GRIN2D: variants seen among roughly 807,000 people sequenced by gnomAD.
GRIN2D encodes glutamate ionotropic receptor NMDA type subunit 2D, also known as glutamate receptor ionotropic, NMDA 2D.
GRIN2D carries 37 observed loss-of-function variants against 103.2 expected under a neutral mutation model. The ratio of observed to expected loss-of-function variants is 0.36; its 90% CI spans 0.28 to 0.47. The LOEUF (loss-of-function observed/expected upper bound fraction) is 0.47. GRIN2D is among the 20% of genes least tolerant of loss of function. The probability of loss-of-function intolerance (pLI) is 1.00; values close to 1 mark genes in which losing one functional copy is unlikely to be tolerated. For missense variants in GRIN2D, 1,557 were observed against 1,910.6 expected, an observed-to-expected ratio of 0.81 and a Z score of 3.45; for synonymous variants, 845 against 885.6, an observed-to-expected ratio of 0.95 and a Z score of 0.81.
intron 11 of GRIN2D, among the ~76,000 whole-genome samples, chr19:48,432,543 A>C (rs1971170636): frequency 6.6e-6 from 1 of 150,854 alleles, no homozygotes; most frequent in African/African-American, 2.4e-5. Context: ...CAGTGAGGCA[A>C]TCATAGCTCA....
At chr19:48,433,300 G>C (rs1410909191) in intron 11 of GRIN2D, among the ~76,000 whole-genome samples, 1 of 151,864 alleles carries the variant, frequency 6.6e-6, no homozygotes, top group Non-Finnish European at 1.5e-5. Context: ...GGGAGGTGGA[G>C]GTTGCAGTGA....
intron 4 of GRIN2D, among the ~76,000 whole-genome samples, chr19:48,410,268 G>A (rs981748472): frequency 3.3e-5 from 5 of 149,512 alleles, no homozygotes; most frequent in African/African-American, 4.9e-5. Flanking sequence ...GGTGGCTCAC[G>A]CCTGTAATCC....
At chr19:48,430,862 C>T (rs1971147964) in intron 11 of GRIN2D, among the ~76,000 whole-genome samples, 1 of 146,280 alleles carries the variant, frequency 6.8e-6, no homozygotes, top group Non-Finnish European at 1.5e-5. Flanking sequence ...CTCTGTCACT[C>T]AGGCTGGAGC....
rs773773819 is a variant in GRIN2D, at chr19:48,404,978, G to T, written c.710G>T (p.Arg237Leu). ...AGEAVLSAQL[R>L]SVSAQIRLLF... ...GAGGCCGTGCTCAGTGCCCAGCTCC[G>T]CAGTGTCAGCGCGCAGATCCGCCTG... The change falls in exon 4 of 14, where the codon CGC becomes CTC. Residue 237 changes from arginine (R) to leucine (L), a missense_variant. Transcript: ENST00000263269. 1.7e-5 allele frequency: 28 copies of T among 1,612,108 alleles called. 1 individual carries two copies. The South Asian group carries it at 3.0e-4, about 17-fold the overall frequency.
chr19:48,442,004 G>A lies in GRIN2D; in HGVS notation c.2440+48G>A, dbSNP rs1297458440. The A allele has an allele frequency of 1.3e-6, 2 of 1,552,476 alleles. No individual in the cohort carries two copies. Among genetic ancestry groups the A allele is most frequent in the Non-Finnish European group, 1.8e-6 (2 of 1,141,708 alleles). On this transcript the variant is annotated intron_variant, in intron 12 of 13. Transcript: ENST00000263269. The surrounding 1 kb of genome is among the most constrained non-coding windows in gnomAD (Gnocchi z 7.2). The stretch of plus-strand genomic sequence containing the variant: ...CCACAGCGGAGAGGGGGAGGGCGAG[G>A]CCCCTGGGTTCCGGGGAAGAAAGGG...
chr19:48,396,935 C>A (rs1272529219), intron 2 of GRIN2D, among the ~76,000 whole-genome samples: 2 of 152,272 alleles, frequency 1.3e-5, no homozygotes, highest in African/African-American at 2.4e-5. Context: ...GGAGTCCAGA[C>A]TCCCAGTGCC....
Position 48,442,435 on chromosome 19 carries a change from A to G in GRIN2D, c.2673+53A>G. ...GGGGAGATGGCAGGGGCGGGGACAA[A>G]GGTAAAGCCGAGCAGAGACAAGGAG... On this transcript the variant is annotated intron_variant, in intron 13 of 13. Transcript: ENST00000263269. The surrounding 1 kb of genome is among the most constrained non-coding windows in gnomAD (Gnocchi z 7.2). 1 of 1,568,498 alleles carries G rather than the reference A, an allele frequency of 6.4e-7. No homozygotes were observed. Among genetic ancestry groups the G allele is most frequent in the Non-Finnish European group, 8.7e-7 (1 of 1,152,468 alleles).
At chr19:48,402,890 G>A (rs1158929405) in intron 3 of GRIN2D, among the ~76,000 whole-genome samples, 1 of 151,254 alleles carries the variant, frequency 6.6e-6, no homozygotes, top group Non-Finnish European at 1.5e-5. Context: ...AATCCAAGAG[G>A]AGATATTGAA....
intron 4 of GRIN2D, among the ~76,000 whole-genome samples, chr19:48,412,426 AAAGAAAG>A (rs1286711967): frequency 3.9e-5 from 2 of 51,022 alleles, no homozygotes; most frequent in East Asian, 8.9e-4. Context: ...GAAAGAAAAG[AAAGAAAG>A]AAAGAAAGAA....
chr19:48,415,905 C>G (rs548707796), intron 7 of GRIN2D, 97 bp from the exon 8 acceptor site: 1 of 1,103,346 alleles, frequency 9.1e-7, no homozygotes, highest in Non-Finnish European at 1.4e-6. Context: ...CACCCTGTCA[C>G]TGGTCTGCTC....
Position 48,394,150 on chromosome 19 carries a change from T to C in GRIN2D, c.-306+282T>C, listed in dbSNP as rs745748132. 3.4e-4 allele frequency among the ~76,000 whole-genome samples: 52 copies of C among 151,860 alleles called. No homozygotes were observed. The highest frequency in any genetic ancestry group is 6.2e-4 in the Non-Finnish European group (42 of 67,954). ...CTGTCCAAACAGCCCCTATCAGCAG[T>C]GGCAGCCTGGCCCCCATTAGACCCC... On this transcript the variant is annotated intron_variant, in intron 1 of 13. Coordinates refer to ENST00000263269, the MANE Select transcript of GRIN2D (RefSeq NM_000836.4). This position sits in a 1 kb window ranked among gnomAD's most constrained non-coding sequence, Gnocchi z 5.1.
chr19:48,425,864 A>G (rs369795914), intron 11 of GRIN2D, among the ~76,000 whole-genome samples: 2 of 152,156 alleles, frequency 1.3e-5, no homozygotes, highest in African/African-American at 4.8e-5. Context: ...TTATACATTC[A>G]TAGACATCCA....
intron 4 of GRIN2D, among the ~76,000 whole-genome samples, chr19:48,408,028 A>T (rs554769849): frequency 5.9e-5 from 9 of 152,124 alleles, no homozygotes; most frequent in African/African-American, 2.2e-4. Flanking sequence ...ATCTCTACAA[A>T]AAATTTAAAG....
intron 11 of GRIN2D, among the ~76,000 whole-genome samples, chr19:48,434,379 G>A (rs1345642499): frequency 6.6e-6 from 1 of 151,966 alleles, no homozygotes; most frequent in African/African-American, 2.4e-5. Flanking sequence ...TCAGCCTCCC[G>A]AGTAGCTGGA....
At chr19:48,417,605 TC>T (rs1569065099) in intron 8 of GRIN2D, among the ~76,000 whole-genome samples, 2 of 152,318 alleles carry the variant, frequency 1.3e-5, no homozygotes, top group South Asian at 4.1e-4. Context: ...TCCTGTGGCC[TC>T]CCCTTTGCAC....
Position 48,424,797 on chromosome 19 carries a change from C to T in GRIN2D, c.2252+2852C>T, listed in dbSNP as rs190149952. 6.4e-4 allele frequency among the ~76,000 whole-genome samples: 98 copies of T among 152,134 alleles called. 2 individuals are homozygous for T. The highest frequency in any genetic ancestry group is 3.3e-3 in the Admixed American group (50 of 15,248). On this transcript the variant is annotated intron_variant, in intron 11 of 13. Transcript: ENST00000263269. ...CACTGCTGCACTGGACCGCCCAGGT[C>T]GACATCACCCAAATGCAAAAAGTTT...
In GRIN2D at chr19:48,426,227, T is replaced by TC. The variant is rs1489226034; in HGVS notation, c.2252+4282_2252+4283insC. On this transcript the variant is annotated intron_variant, in intron 11 of 13. Coordinates refer to ENST00000263269, the MANE Select transcript of GRIN2D (RefSeq NM_000836.4). ...CTTTTTCTTTCTTTCTTTCTTTCTTTTTTTTTTTTTTTTTCTGAAACAGAG... is the reference window on the plus strand; with the variant it reads ...CTTTTTCTTTCTTTCTTTCTTTCTTTCTTTTTTTTTTTTTTCTGAAACAGAG... 5.9e-4 allele frequency among the ~76,000 whole-genome samples: 86 copies of TC among 145,160 alleles called. 1 individual carries two copies. Among genetic ancestry groups the TC allele is most frequent in the African/African-American group, 2.2e-3 (81 of 37,374 alleles).
intron 11 of GRIN2D, among the ~76,000 whole-genome samples, chr19:48,440,614 C>A (rs867737191): frequency 5.9e-5 from 9 of 152,160 alleles, no homozygotes; most frequent in Middle Eastern, 3.4e-3. Flanking sequence ...AAAAAAGTGT[C>A]CTTAGACTAG....
intron 11 of GRIN2D, among the ~76,000 whole-genome samples, chr19:48,422,503 T>C (rs1229664605): frequency 6.6e-6 from 1 of 151,208 alleles, no homozygotes; most frequent in Non-Finnish European, 1.5e-5. Flanking sequence ...CCCAGATACT[T>C]GGGAGGCTGA....
Sources: gnomAD v4.1 joint callset for allele counts (sites outside exome capture counted in the v4.1 genomes callset) on GRCh38, gnomAD v4.1.1 for gene constraint, Gnocchi (gnomAD v3.1) non-coding constraint, MANE v1.5 for transcripts, NCBI Gene and HGNC (gene_info 2026-07-23, HGNC 2026-07-21) for gene names.